TLN2: variants seen among roughly 807,000 people sequenced by gnomAD.
TLN2 encodes talin-2.
A neutral mutation model predicts 294.7 loss-of-function variants in TLN2; 118 were observed. That is an observed-to-expected ratio of 0.40 (90% CI 0.34 to 0.47). TLN2 has a LOEUF of 0.47. TLN2 is among the 20% of genes least tolerant of loss of function. The pLI is 0.84. For missense variants in TLN2, 3,083 were observed against 3,282.2 expected, an observed-to-expected ratio of 0.94 and a Z score of 1.48; for synonymous variants, 1,431 against 1,304.5, an observed-to-expected ratio of 1.10 and a Z score of -2.09.
intron 1 of TLN2, among the ~76,000 whole-genome samples, chr15:62,413,738 G>T (rs771325982): frequency 6.6e-6 from 1 of 152,204 alleles, no homozygotes; most frequent in Non-Finnish European, 1.5e-5. Context: ...ATCTGAAAGG[G>T]CTCCAGTGCA....
rs193159514 is a variant in TLN2, at chr15:62,796,814, C to T, written c.6051-405C>T. Among the ~76,000 whole-genome samples the T allele has an allele frequency of 5.1e-3, 782 of 152,318 alleles. 4 individuals are homozygous for T. The highest frequency in any genetic ancestry group is 0.016 in the African/African-American group (651 of 41,572). ...GTTCCCAGAGCTCTGCTGTCCCTTC[C>T]CAAGCCCAGCCTCTGATCCTGAACA... is the stretch of plus-strand genomic sequence containing the variant. On this transcript the variant is annotated intron_variant, in intron 47 of 58. Coordinates refer to ENST00000636159, the MANE Select transcript of TLN2 (RefSeq NM_015059.3).
intron 46 of TLN2, among the ~76,000 whole-genome samples, chr15:62,795,809 C>T (rs2065434688): frequency 6.6e-6 from 1 of 152,174 alleles, no homozygotes. Context: ...TACTATGTGC[C>T]AAATGCCTTG....
intron 37 of TLN2, among the ~76,000 whole-genome samples, chr15:62,758,298 T>C (rs1256881172): frequency 6.6e-6 from 1 of 152,216 alleles, no homozygotes; most frequent in African/African-American, 2.4e-5. Flanking sequence ...ATTTCTGTGT[T>C]TCTGCCTCCT....
chr15:62,409,963 T>A (rs372527), intron 1 of TLN2, among the ~76,000 whole-genome samples: 3 of 152,164 alleles, frequency 2.0e-5, no homozygotes, highest in Admixed American at 6.5e-5. Flanking sequence ...GGGAGCTAGG[T>A]CCGGGTGCAG....
chr15:62,657,154 G>GT (rs1035993143), intron 8 of TLN2, among the ~76,000 whole-genome samples: 2 of 6,908 alleles, frequency 2.9e-4, no homozygotes, highest in Admixed American at 7.8e-3. Context: ...CTGAAAAGGT[G>GT]GGGGGGGGAA....
chr15:62,436,278 C>T (rs539356188), intron 1 of TLN2, among the ~76,000 whole-genome samples: 4 of 152,320 alleles, frequency 2.6e-5, no homozygotes, highest in East Asian at 1.9e-4. Context: ...CTGTCCTATG[C>T]TCAGGAGCTC....
At chr15:62,583,669 G>GGTA (rs995968502) in intron 1 of TLN2, among the ~76,000 whole-genome samples, 1 of 152,092 alleles carries the variant, frequency 6.6e-6, no homozygotes, top group South Asian at 2.1e-4. Context: ...CATAAAATGA[G>GGTA]GTAGTAGTAG....
In TLN2 at chr15:62,752,371, G is replaced by A. The variant is rs1452993852; in HGVS notation, c.4276G>A (p.Glu1426Lys). Reference sequence around the variant, plus strand: ...GACCGGAGACCTCCCTGCCTTTGGGGAATGTGTGGGGATTGCATCCAAGGC... The same window carrying A: ...GACCGGAGACCTCCCTGCCTTTGGGAAATGTGTGGGGATTGCATCCAAGGC... ...AKTGDLPAFGECVGIASKALC... is the reference protein window; with the variant it reads ...AKTGDLPAFGKCVGIASKALC... Residue 1426 changes from glutamate to lysine, a missense_variant, in exon 35 of 59, where the codon GAA (glutamate) becomes AAA (lysine). Glu to Lys is a moderately conservative substitution (Grantham distance 56). Transcript: ENST00000636159. The A allele has an allele frequency of 1.3e-5, 21 of 1,614,078 alleles. No individual in the cohort carries two copies. Among genetic ancestry groups the A allele is most frequent in the Non-Finnish European group, 1.7e-5 (20 of 1,180,038 alleles).
chr15:62,813,195 T>C (rs1403397222), intron 52 of TLN2, among the ~76,000 whole-genome samples: 1 of 152,252 alleles, frequency 6.6e-6, no homozygotes, highest in Non-Finnish European at 1.5e-5. Flanking sequence ...TTTTCTGTTA[T>C]GGATTCTTCC....
intron 1 of TLN2, among the ~76,000 whole-genome samples, chr15:62,575,696 C>T (rs183057511): frequency 2.0e-5 from 3 of 152,292 alleles, no homozygotes; most frequent in Admixed American, 1.3e-4. Context: ...TGGAAGCACA[C>T]TAAAGTCCAC....
At chr15:62,484,660 C>A (rs2038288809) in intron 1 of TLN2, among the ~76,000 whole-genome samples, 1 of 152,070 alleles carries the variant, frequency 6.6e-6, no homozygotes, top group African/African-American at 2.4e-5. Context: ...CTCCTGACCT[C>A]ATGATCCACC....
At chr15:62,722,915 G>C (rs1337893936) in intron 26 of TLN2, among the ~76,000 whole-genome samples, 1 of 152,190 alleles carries the variant, frequency 6.6e-6, no homozygotes, top group Admixed American at 6.5e-5. Flanking sequence ...AATCTATTTT[G>C]AAGTGTCATC....
intron 1 of TLN2, among the ~76,000 whole-genome samples, chr15:62,431,075 T>C (rs1347115843): frequency 6.6e-6 from 1 of 152,162 alleles, no homozygotes; most frequent in Non-Finnish European, 1.5e-5. Context: ...AGCTGACTTT[T>C]GAGCTCCAGG....
At chr15:62,463,771 C>T (rs2140346149) in intron 1 of TLN2, among the ~76,000 whole-genome samples, 1 of 152,256 alleles carries the variant, frequency 6.6e-6, no homozygotes, top group African/African-American at 2.4e-5. Flanking sequence ...CCAGTAGTCC[C>T]AGCTACTCGG....
At chr15:62,822,577 A>T (rs1009322004) in intron 54 of TLN2, among the ~76,000 whole-genome samples, 5 of 152,192 alleles carry the variant, frequency 3.3e-5, no homozygotes, top group African/African-American at 1.2e-4. Flanking sequence ...AGGGCTATGT[A>T]TGGCCCTGGG....
At chr15:62,755,815 T>G in intron 37 of TLN2, 122 bp downstream of exon 37, 1 of 1,316,910 alleles carries the variant, frequency 7.6e-7, no homozygotes, top group Middle Eastern at 2.0e-4. Context: ...TAATTCAGTC[T>G]TATGGTTTGT....
intron 1 of TLN2, among the ~76,000 whole-genome samples, chr15:62,538,530 T>C (rs1261565927): frequency 6.6e-6 from 1 of 152,216 alleles, no homozygotes; most frequent in African/African-American, 2.4e-5. Context: ...TTCTGGGACA[T>C]AGGTACATAT....
At chr15:62,646,255 C>T (rs146116212) in intron 3 of TLN2, among the ~76,000 whole-genome samples, 7 of 152,040 alleles carry the variant, frequency 4.6e-5, no homozygotes, top group East Asian at 1.9e-4. Flanking sequence ...CTCTGTCTCC[C>T]GGGTTCAAGC....
chr15:62,786,141 G>T (rs149624604), intron 45 of TLN2, among the ~76,000 whole-genome samples: 1 of 152,246 alleles, frequency 6.6e-6, no homozygotes, highest in Non-Finnish European at 1.5e-5. Context: ...AGATATTTGG[G>T]GAAAACTGAG....
Sources: allele counts gnomAD v4.1 joint callset (sites outside exome capture counted in the v4.1 genomes callset), GRCh38; gene constraint gnomAD v4.1.1; transcripts MANE v1.5; gene names NCBI Gene and HGNC (gene_info 2026-07-23, HGNC 2026-07-21).